Variants in MDM2 observed in about 807,000 individuals in gnomAD.
The protein encoded by MDM2 is E3 ubiquitin-protein ligase Mdm2.
Under a neutral mutation model 64.3 loss-of-function variants are expected in MDM2, and 11 were observed. The ratio of observed to expected loss-of-function variants is 0.17; its 90% CI spans 0.11 to 0.28. The LOEUF is 0.28. MDM2 is among the 10% of genes least tolerant of loss of function. The pLI is 1.00. For missense variants in MDM2, 388 were observed against 577.1 expected, an observed-to-expected ratio of 0.67 and a Z score of 3.36; for synonymous variants, 194 against 192.9, an observed-to-expected ratio of 1.01 and a Z score of -0.05.
intron 5 of MDM2, among the ~76,000 whole-genome samples, chr12:68,822,809 C>T (rs892561023): frequency 6.6e-5 from 10 of 151,614 alleles, no homozygotes; most frequent in Non-Finnish European, 1.5e-4. Context: ...GGTGCGATCT[C>T]GGATCACTGC....
rs1204412726 is a variant in MDM2 at position 68,816,904 on chromosome 12, A to G, written c.267A>G (p.Gly89=). The part of the protein sequence containing the change: ...HIVYCSNDLL[G]DLFGVPSFSV... ...TATATTGTTCAAATGATCTTCTAGGAGATTTGTTTGGCGTGCCAAGCTTCT... is the reference window on the plus strand; with the variant it reads ...TATATTGTTCAAATGATCTTCTAGGGGATTTGTTTGGCGTGCCAAGCTTCT... Residue 89 remains glycine (G), a synonymous_variant, in exon 4 of 11, where the codon GGA becomes GGG. Transcript: ENST00000258149. 6.2e-7 allele frequency: 1 copy of G among 1,613,270 alleles called. No individual in the cohort carries two copies. The highest frequency in any genetic ancestry group is 1.1e-5 in the South Asian group (1 of 90,732).
chr12:68,818,028 C>T (rs981886348), intron 4 of MDM2, among the ~76,000 whole-genome samples: 6 of 151,932 alleles, frequency 3.9e-5, no homozygotes, highest in Admixed American at 6.6e-5. Context: ...TCCTAACCTT[C>T]GGTAATCCAC....
Position 68,840,017 on chromosome 12 carries a change from C to A in MDM2, c.*168C>A, listed in dbSNP as rs973002247. On this transcript the variant is annotated 3_prime_UTR_variant, in exon 11 of 11. Coordinates refer to ENST00000258149, the MANE Select transcript of MDM2 (RefSeq NM_002392.6). ...TTGGTAGTGGAATAGTGAATACTTACTATAATTTGACTTGAATATGTAGCT... is the reference window on the plus strand; with the variant it reads ...TTGGTAGTGGAATAGTGAATACTTAATATAATTTGACTTGAATATGTAGCT... 1 of 590,114 alleles carries A rather than the reference C, an allele frequency of 1.7e-6. No homozygotes were observed. Among genetic ancestry groups the A allele is most frequent in the Non-Finnish European group, 2.9e-6 (1 of 348,636 alleles). 36.6% of individuals were successfully genotyped at this position (590,114 alleles called of 1,614,324 possible).
chr12:68,837,567 G>A (rs1056373507), intron 10 of MDM2, among the ~76,000 whole-genome samples: 3 of 151,960 alleles, frequency 2.0e-5, no homozygotes, highest in African/African-American at 7.3e-5. Flanking sequence ...TGTTGCCCAG[G>A]ATGGTCTTGA....
rs546744535 is a variant in MDM2 at position 68,822,420 on chromosome 12, T to A, written c.359-1943T>A. On this transcript the variant is annotated intron_variant, in intron 5 of 10. Transcript: ENST00000258149. ...GTATCCTTTTTATTTCCTTTTTTTT[T>A]AATTATTATACTTTAAGTTTTAGGG... 5.9e-5 allele frequency among the ~76,000 whole-genome samples: 9 copies of A among 152,122 alleles called. No individual in the cohort carries two copies. The South Asian group carries it at 8.3e-4, about 14-fold the overall frequency.
intron 5 of MDM2, among the ~76,000 whole-genome samples, chr12:68,823,908 CCT>C (rs1391406569): frequency 7.9e-5 from 12 of 152,170 alleles, no homozygotes; most frequent in Admixed American, 6.5e-5. Flanking sequence ...TCTGAACCTG[CCT>C]ACATTCCAGT....
rs1171290958 is a variant in MDM2 at position 68,843,622 on chromosome 12, A to G, written c.*3773A>G. On this transcript the variant is annotated 3_prime_UTR_variant, in exon 11 of 11. Coordinates refer to ENST00000258149, the MANE Select transcript of MDM2 (RefSeq NM_002392.6). The stretch of plus-strand genomic sequence containing the variant: ...TACTTAGGTGAAGACAATAAAATCA[A>G]CTGAACTGTAAGCTTAGAATAGGAC... 8 of 226,196 alleles carry G rather than the reference A, an allele frequency of 3.5e-5. No homozygotes were observed. Among genetic ancestry groups the G allele is most frequent in the East Asian group, 1.3e-4 (2 of 15,638 alleles). 14.0% of individuals were successfully genotyped at this position (226,196 alleles called of 1,614,324 possible).
rs1225214651 is a variant in MDM2 at position 68,817,348 on chromosome 12, A to G, written c.308+403A>G. 2.0e-5 allele frequency among the ~76,000 whole-genome samples: 3 copies of G among 152,344 alleles called. No homozygotes were observed. In the East Asian group the frequency reaches 5.8e-4, roughly 29 times the overall value. ...TAACTTTTTATTCCAGAAACAGTAT[A>G]CCACCACGTGGTAAAGGCTTACATT... On this transcript the variant is annotated intron_variant, in intron 4 of 10. Transcript: ENST00000258149.
At chr12:68,813,829 G>GATAA (rs1288798813) in intron 3 of MDM2, among the ~76,000 whole-genome samples, 1 of 152,188 alleles carries the variant, frequency 6.6e-6, no homozygotes, top group Non-Finnish European at 1.5e-5. Context: ...TAGGAACTCA[G>GATAA]ATAAATGGAA....
Position 68,841,865 on chromosome 12 carries a change from C to G in MDM2, c.*2016C>G. Reference sequence around the variant, plus strand: ...GGTCAGCATGTGGAATTCCAAGATACCTCTTGACTTCCTCTCAAGCTCCGT... The same window carrying G: ...GGTCAGCATGTGGAATTCCAAGATAGCTCTTGACTTCCTCTCAAGCTCCGT... On this transcript the variant is annotated 3_prime_UTR_variant, in exon 11 of 11. Coordinates refer to ENST00000258149, the MANE Select transcript of MDM2 (RefSeq NM_002392.6). 1 of 216,208 alleles carries G rather than the reference C, an allele frequency of 4.6e-6. No homozygotes were observed. The allele number at this position is 216,208 out of a possible 1,614,324, so 13.4% of individuals were successfully genotyped here. A position where few individuals can be genotyped will look rare whatever the true frequency, so the allele number is the denominator to read the frequency against.
In MDM2 at chr12:68,841,209, A is replaced by T; in HGVS notation, c.*1360A>T. 1 of 95,756 alleles carries T rather than the reference A, an allele frequency of 1.0e-5. No individual in the cohort carries two copies. Among genetic ancestry groups the T allele is most frequent in the Admixed American group, 2.2e-4 (1 of 4,594 alleles). 5.9% of individuals were successfully genotyped at this position (95,756 alleles called of 1,614,324 possible). ...TCTCCAAAATACTCTTTCTAGGTTA[A>T]AAAAAAAAAGGCTCTTATATTTGGT... On this transcript the variant is annotated 3_prime_UTR_variant, in exon 11 of 11. Transcript: ENST00000258149.
At chr12:68,816,675 CA>C (rs1881414461) in intron 3 of MDM2, 136 bp from the exon 4 acceptor site, 1 of 774,190 alleles carries the variant, frequency 1.3e-6, no homozygotes, top group Non-Finnish European at 1.9e-6. Context: ...CTTCTAAGTA[CA>C]AAATGGTTGT....
At chr12:68,850,008 G>C (rs991779148), downstream of MDM2, 2 of 152,412 alleles carry the variant, frequency 1.3e-5, no homozygotes, top group Admixed American at 6.5e-5. Context: ...CCTTGGCTGG[G>C]GGGTGATGGC....
chr12:68,818,627 TTC>T (rs1385082783), intron 4 of MDM2, among the ~76,000 whole-genome samples: 1 of 149,506 alleles, frequency 6.7e-6, no homozygotes, highest in Non-Finnish European at 1.5e-5. Flanking sequence ...GATGAGTCAC[TTC>T]TGTTTAATAT....
chr12:68,813,037 T>G (rs562716967), intron 2 of MDM2, among the ~76,000 whole-genome samples: 1 of 151,862 alleles, frequency 6.6e-6, no homozygotes, highest in South Asian at 2.1e-4. Flanking sequence ...GTAGACTAAC[T>G]AAGAGGCAGC....
chr12:68,828,970 T>C (rs749855357), intron 8 of MDM2, 39 bp downstream of exon 8: 4 of 1,596,956 alleles, frequency 2.5e-6, no homozygotes, highest in Middle Eastern at 1.7e-4. Context: ...ACTCTTACTG[T>C]TCAAAGTCTA....
chr12:68,836,254 A>G (rs1326889626), intron 9 of MDM2, among the ~76,000 whole-genome samples: 1 of 152,132 alleles, frequency 6.6e-6, no homozygotes, highest in African/African-American at 2.4e-5. Context: ...TTAAAAACAT[A>G]TAATTCAACT....
intron 4 of MDM2, among the ~76,000 whole-genome samples, chr12:68,818,704 ATAAC>A (rs1389865454): frequency 6.6e-6 from 1 of 151,354 alleles, no homozygotes; most frequent in Non-Finnish European, 1.5e-5. Flanking sequence ...AATTTTAAAA[ATAAC>A]TATATTGGTA....
intron 8 of MDM2, among the ~76,000 whole-genome samples, chr12:68,834,448 A>T (rs1400602440): frequency 6.6e-6 from 1 of 151,384 alleles, no homozygotes; most frequent in Admixed American, 6.6e-5. Context: ...GTCTCAAAAA[A>T]AAAAAGGGCC....
Sources: allele counts gnomAD v4.1 joint callset (sites outside exome capture counted in the v4.1 genomes callset), GRCh38; gene constraint gnomAD v4.1.1; transcripts MANE v1.5; gene names NCBI Gene and HGNC (gene_info 2026-07-23, HGNC 2026-07-21).